The following LYRM4 variants were observed in gnomAD, a reference collection of about 807,000 sequenced individuals.
The protein encoded by LYRM4 is LYR motif containing 4.
In LYRM4, 9 loss-of-function variants were observed where a neutral mutation model predicts 11.7. That is an observed-to-expected ratio of 0.77 (90% CI 0.46 to 1.34). The LOEUF (loss-of-function observed/expected upper bound fraction) is 1.34, where lower values mean the gene tolerates loss of function less well. Among genes scored for constraint, LYRM4 ranks in the 40% most tolerant of loss-of-function variants. LYRM4 has a pLI of 0.00. For synonymous variants in LYRM4, 42 were observed against 40.4 expected (o/e 1.04, Z -0.15); for missense variants, 133 against 112.5 (o/e 1.18, Z -0.82).
downstream of LYRM4, among the ~76,000 whole-genome samples, chr6:5,101,148 T>C (rs1762487607): frequency 6.6e-6 from 1 of 152,174 alleles, no homozygotes. Context: ...CCCCTTATCC[T>C]AGCATTTATG....
At chr6:5,165,746 G>T (rs1759048896) in intron 2 of LYRM4, among the ~76,000 whole-genome samples, 2 of 152,024 alleles carry the variant, frequency 1.3e-5, no homozygotes, top group African/African-American at 4.8e-5. Context: ...TTTCACCGTG[G>T]TGGCTAGAGT....
chr6:5,237,547 C>G (rs1000304215), intron 1 of LYRM4, among the ~76,000 whole-genome samples: 1 of 152,008 alleles, frequency 6.6e-6, no homozygotes, highest in African/African-American at 2.4e-5. Context: ...GAAACCATCC[C>G]CCACAACCCC....
chr6:5,084,505 C>G, the LYRM4 span: 3 of 151,970 alleles, frequency 2.0e-5, no homozygotes, highest in Non-Finnish European at 4.4e-5. Context: ...CCTGCGGGAT[C>G]CCGGGGCGCG....
intron 1 of LYRM4, among the ~76,000 whole-genome samples, chr6:5,241,425 CG>C (rs772542456): frequency 1.1e-4 from 17 of 152,186 alleles, no homozygotes; most frequent in Admixed American, 6.5e-4. Context: ...TAAACAGTCT[CG>C]TAGGCAAGTA....
intron 2 of LYRM4, among the ~76,000 whole-genome samples, chr6:5,130,243 G>T (rs1763888841): frequency 6.6e-6 from 1 of 152,204 alleles, no homozygotes; most frequent in Non-Finnish European, 1.5e-5. Flanking sequence ...ACCATGCAGG[G>T]CCTGGAGGCC....
At chr6:5,120,541 A>G (rs1349476274) in intron 2 of LYRM4, among the ~76,000 whole-genome samples, 1 of 152,234 alleles carries the variant, frequency 6.6e-6, no homozygotes, top group Non-Finnish European at 1.5e-5. Context: ...AAGTCTCCAC[A>G]GCGTGGAAGG....
chr6:5,165,865 T>G (rs1759059246), intron 2 of LYRM4, among the ~76,000 whole-genome samples: 1 of 152,180 alleles, frequency 6.6e-6, no homozygotes, highest in African/African-American at 2.4e-5. Context: ...TTATATCCTT[T>G]TAGTTTCTTT....
chr6:5,133,578 GTT>G (rs1343491576), intron 2 of LYRM4, among the ~76,000 whole-genome samples: 2 of 152,154 alleles, frequency 1.3e-5, no homozygotes, highest in African/African-American at 4.8e-5. Context: ...GGTCTGGGGT[GTT>G]TTTATACATC....
intron 2 of LYRM4, among the ~76,000 whole-genome samples, chr6:5,117,113 C>T (rs1763153183): frequency 6.6e-6 from 1 of 152,156 alleles, no homozygotes; most frequent in African/African-American, 2.4e-5. Context: ...GAAAATCTAC[C>T]ATTTTCCCCA....
intron 1 of LYRM4, among the ~76,000 whole-genome samples, chr6:5,256,494 A>G (rs1218324409): frequency 9.4e-5 from 2 of 21,354 alleles, no homozygotes; most frequent in Admixed American, 4.7e-4. Context: ...TCAACTGGAA[A>G]AAAAAAAAAA....
intron 1 of LYRM4, among the ~76,000 whole-genome samples, chr6:5,225,974 T>C (rs1224349733): frequency 6.6e-6 from 1 of 152,230 alleles, no homozygotes; most frequent in Non-Finnish European, 1.5e-5. Context: ...CTATTTGTAC[T>C]TCTGTTTATA....
chr6:5,066,566 ATTTTT>A, the LYRM4 span: 3 of 945,808 alleles, frequency 3.2e-6, no homozygotes, highest in Non-Finnish European at 5.2e-6. Flanking sequence ...TTCCATCCAG[ATTTTT>A]TCCTAAGGAC....
the LYRM4 span, among the ~76,000 whole-genome samples, chr6:5,076,905 AGC>A: frequency 1.3e-5 from 2 of 152,182 alleles, no homozygotes; most frequent in African/African-American, 4.8e-5. Flanking sequence ...CTCTGACAGT[AGC>A]AGGGTGGCTG....
chr6:5,125,439 C>T (rs1763656938), intron 2 of LYRM4, among the ~76,000 whole-genome samples: 1 of 152,244 alleles, frequency 6.6e-6, no homozygotes, highest in South Asian at 2.1e-4. Flanking sequence ...CTGTCAGTTC[C>T]TCGAGCACAG....
At chr6:5,194,342 T>C (rs1296041698) in intron 2 of LYRM4, among the ~76,000 whole-genome samples, 1 of 152,146 alleles carries the variant, frequency 6.6e-6, no homozygotes, top group Non-Finnish European at 1.5e-5. Flanking sequence ...TAAGAACAAA[T>C]GGCCACAGTC....
At chr6:5,149,326 G>A (rs1180357463) in intron 2 of LYRM4, among the ~76,000 whole-genome samples, 2 of 152,152 alleles carry the variant, frequency 1.3e-5, no homozygotes, top group Non-Finnish European at 2.9e-5. Flanking sequence ...CCCAGGATCG[G>A]TATTTTATGG....
the LYRM4 span, among the ~76,000 whole-genome samples, chr6:5,040,527 C>T: frequency 7.3e-6 from 1 of 137,824 alleles, no homozygotes; most frequent in South Asian, 2.5e-4. Context: ...CATAGGGAGA[C>T]CTCATCTCTA....
At chr6:5,054,320 A>G in the LYRM4 span, 1 of 156,516 alleles carries the variant, frequency 6.4e-6, no homozygotes, top group Admixed American at 6.5e-5. Flanking sequence ...AGATGTGGAA[A>G]CAGAGGCTTA....
chr6:5,214,636 A>G (rs1164794785), intron 2 of LYRM4, among the ~76,000 whole-genome samples: 1 of 152,220 alleles, frequency 6.6e-6, no homozygotes, highest in African/African-American at 2.4e-5. Context: ...TACAGAGAAC[A>G]GTGTGCAAGA....
Sources: allele counts gnomAD v4.1 joint callset (sites outside exome capture counted in the v4.1 genomes callset), GRCh38; gene constraint gnomAD v4.1.1; transcripts MANE v1.5; gene names NCBI Gene and HGNC (gene_info 2026-07-23, HGNC 2026-07-21).